Variants in PDE12 observed in about 807,000 individuals in gnomAD.
PDE12 encodes 2',5'-phosphodiesterase 12.
A neutral mutation model predicts 45.4 loss-of-function variants in PDE12; 26 were observed. The ratio of observed to expected loss-of-function variants is 0.57; its 90% CI spans 0.42 to 0.79. The LOEUF (loss-of-function observed/expected upper bound fraction) is 0.79, where lower values mean the gene tolerates loss of function less well. Among genes scored for constraint, PDE12 ranks in the 30% least tolerant of loss-of-function variants. The pLI, the probability that PDE12 is intolerant of heterozygous loss-of-function variation, is 0.00. For synonymous variants in PDE12, 283 were observed against 323.9 expected, an observed-to-expected ratio of 0.87 and a Z score of 1.36; for missense variants, 668 against 790.0, an observed-to-expected ratio of 0.85 and a Z score of 1.85.
In PDE12 at chr3:57,560,924, G is replaced by A. The variant is rs184376849; in HGVS notation, c.*920G>A. 29 of 983,150 alleles carry A rather than the reference G, an allele frequency of 2.9e-5. 1 individual carries two copies. The highest frequency in any genetic ancestry group is 1.9e-4 in the South Asian group (4 of 21,230). The allele number at this position is 983,150 out of a possible 1,614,324, so 60.9% of individuals were successfully genotyped here. A position where few individuals can be genotyped will look rare whatever the true frequency, so the allele number is the denominator to read the frequency against. ...CTTTAACAAAAGATAAAAATAAATC[G>A]TCACCAATTGTTATTGCTTCTCATC... On this transcript the variant is annotated 3_prime_UTR_variant, in exon 3 of 3. Coordinates refer to ENST00000311180, the MANE Select transcript of PDE12 (RefSeq NM_177966.7).
chr3:57,560,905 C>G lies in PDE12; in HGVS notation c.*901C>G. 3 of 984,948 alleles carry G rather than the reference C, an allele frequency of 3.0e-6. No homozygotes were observed. The highest frequency in any genetic ancestry group is 3.6e-6 in the Non-Finnish European group (3 of 829,148). The allele number at this position is 984,948 out of a possible 1,614,324, so 61.0% of individuals were successfully genotyped here. ...ATTTACTACAATTTCAGAGCTTTAA[C>G]AAAAGATAAAAATAAATCGTCACCA... On this transcript the variant is annotated 3_prime_UTR_variant, in exon 3 of 3. Transcript: ENST00000311180.
chr3:57,647,790 C>A, the PDE12 span, among the ~76,000 whole-genome samples: 1 of 151,028 alleles, frequency 6.6e-6, no homozygotes, highest in African/African-American at 2.4e-5. Flanking sequence ...GAAGATGGCA[C>A]CCACCTGGAG....
At chr3:57,631,044 A>C in the PDE12 span, 1 of 1,488,126 alleles carries the variant, frequency 6.7e-7, no homozygotes, top group Non-Finnish European at 9.2e-7. Flanking sequence ...CCTACTTAAA[A>C]GGAATGGGTC....
At chr3:57,576,853 T>A in the PDE12 span, among the ~76,000 whole-genome samples, 8 of 152,080 alleles carry the variant, frequency 5.3e-5, no homozygotes, top group African/African-American at 1.9e-4. Flanking sequence ...ATGGTTACTA[T>A]TAAAAAACAT....
chr3:57,649,157 A>G, the PDE12 span, among the ~76,000 whole-genome samples: 1 of 152,182 alleles, frequency 6.6e-6, no homozygotes, highest in African/African-American at 2.4e-5. Context: ...TTAAATCAGC[A>G]AGAACAAAAT....
the PDE12 span, chr3:57,577,375 CA>C: frequency 6.2e-7 from 1 of 1,609,928 alleles, no homozygotes; most frequent in Non-Finnish European, 8.5e-7. Flanking sequence ...CTATCTACCA[CA>C]AAAATAAGAC....
At chr3:57,596,058 T>A in the PDE12 span, among the ~76,000 whole-genome samples, 1 of 152,160 alleles carries the variant, frequency 6.6e-6, no homozygotes, top group African/African-American at 2.4e-5. Context: ...TTCAGCGTTA[T>A]TCTAGTCCAT....
chr3:57,561,074 G>C lies in PDE12; in HGVS notation c.*1070G>C, dbSNP rs2069723381. 1.0e-6 allele frequency: 1 copy of C among 980,244 alleles called. No homozygotes were observed. Among genetic ancestry groups the C allele is most frequent in the African/African-American group, 1.8e-5 (1 of 57,064 alleles). 60.7% of individuals were successfully genotyped at this position (980,244 alleles called of 1,614,324 possible). On this transcript the variant is annotated 3_prime_UTR_variant, in exon 3 of 3. Transcript: ENST00000311180. ...TTACTGCAGCTCATTTTAATTTTTA[G>C]GATGCAAGCACAATTTAGTATTCAA...
chr3:57,653,132 T>C, the PDE12 span, among the ~76,000 whole-genome samples: 5 of 152,336 alleles, frequency 3.3e-5, no homozygotes, highest in African/African-American at 9.6e-5. Flanking sequence ...GAAAAAAGTC[T>C]TCTGTATTGT....
Position 57,562,116 on chromosome 3 carries a change from C to G in PDE12, c.*2112C>G. The G allele has an allele frequency of 1.0e-6, 1 of 981,304 alleles. No homozygotes were observed. The highest frequency in any genetic ancestry group is 1.2e-6 in the Non-Finnish European group (1 of 826,432). The allele number at this position is 981,304 out of a possible 1,614,324, so 60.8% of individuals were successfully genotyped here. On this transcript the variant is annotated 3_prime_UTR_variant, in exon 3 of 3. Transcript: ENST00000311180. ...TTCAAAGAAAGATGTTGATAGAACCCTTAGAGTGACTTGGGAGAAAACAAA... is the reference window on the plus strand; with the variant it reads ...TTCAAAGAAAGATGTTGATAGAACCGTTAGAGTGACTTGGGAGAAAACAAA...
chr3:57,593,947 A>C, the PDE12 span, among the ~76,000 whole-genome samples: 9 of 152,190 alleles, frequency 5.9e-5, no homozygotes, highest in African/African-American at 2.2e-4. Flanking sequence ...ATAATTATTT[A>C]AAAAATATAT....
At chr3:57,587,319 C>CAAAAA in the PDE12 span, among the ~76,000 whole-genome samples, 5 of 45,378 alleles carry the variant, frequency 1.1e-4, no homozygotes, top group Non-Finnish European at 1.9e-4. Context: ...AACTCAGTCT[C>CAAAAA]AAAAAAAAAA....
At chr3:57,650,675 G>A in the PDE12 span, among the ~76,000 whole-genome samples, 1 of 152,066 alleles carries the variant, frequency 6.6e-6, no homozygotes, top group Non-Finnish European at 1.5e-5. Context: ...ACACAAAGAC[G>A]TATACACAAA....
chr3:57,653,433 A>T, the PDE12 span, among the ~76,000 whole-genome samples: 1 of 152,152 alleles, frequency 6.6e-6, no homozygotes, highest in African/African-American at 2.4e-5. Flanking sequence ...AGGAAAGGAA[A>T]CTTCTCTCGA....
the PDE12 span, among the ~76,000 whole-genome samples, chr3:57,609,460 G>T: frequency 1.3e-5 from 2 of 151,728 alleles, no homozygotes; most frequent in African/African-American, 4.8e-5. Context: ...CTGTTTTTTT[G>T]AAAAGATCAA....
the PDE12 span, among the ~76,000 whole-genome samples, chr3:57,582,499 C>CCAAA: frequency 1.3e-5 from 2 of 152,100 alleles, 1 homozygote; most frequent in South Asian, 4.2e-4. Context: ...CCTCAGCCTC[C>CCAAA]CAAAGTGCTG....
At chr3:57,603,033 G>A in the PDE12 span, among the ~76,000 whole-genome samples, 1 of 151,926 alleles carries the variant, frequency 6.6e-6, no homozygotes, top group Admixed American at 6.5e-5. Context: ...CAGGCATGGT[G>A]GCGGGCGCCT....
the PDE12 span, chr3:57,596,799 T>A: frequency 2.4e-6 from 1 of 418,130 alleles, no homozygotes. Context: ...TGCCCAATGT[T>A]GTCCAGCTTT....
the PDE12 span, among the ~76,000 whole-genome samples, chr3:57,578,783 A>AT: frequency 6.6e-6 from 1 of 152,094 alleles, no homozygotes; most frequent in Non-Finnish European, 1.5e-5. Flanking sequence ...CTGGCCCATT[A>AT]TTAGAATTCT....
Sources: gnomAD v4.1 joint callset for allele counts (sites outside exome capture counted in the v4.1 genomes callset) on GRCh38, gnomAD v4.1.1 for gene constraint, MANE v1.5 for transcripts, NCBI Gene and HGNC (gene_info 2026-07-23, HGNC 2026-07-21) for gene names.